RTTN: variants seen among roughly 807,000 people sequenced by gnomAD.
The protein encoded by RTTN is rotatin.
In RTTN, 182 loss-of-function variants were observed where a neutral mutation model predicts 269.2. The observed-to-expected ratio is 0.68, with a 90% CI of 0.60 to 0.76. RTTN has a LOEUF of 0.76. Among genes scored for constraint, RTTN ranks in the 30% least tolerant of loss-of-function variants. The probability of loss-of-function intolerance (pLI) is 0.00; values close to 1 mark genes in which losing one functional copy is unlikely to be tolerated. For synonymous variants in RTTN, 1,006 were observed against 963.5 expected (o/e 1.04, Z -0.82); for missense variants, 2,545 against 2,608.6 (o/e 0.98, Z 0.53).
chr18:70,146,477 TC>T (rs2060396508), intron 17 of RTTN, among the ~76,000 whole-genome samples: 1 of 152,114 alleles, frequency 6.6e-6, no homozygotes, highest in South Asian at 2.1e-4. Context: ...TCTGATAGGT[TC>T]TTGAACTACC....
chr18:70,157,565 T>G (rs1288193183), intron 14 of RTTN, among the ~76,000 whole-genome samples: 1 of 152,196 alleles, frequency 6.6e-6, no homozygotes, highest in Non-Finnish European at 1.5e-5. Context: ...CCAGAATGTC[T>G]TCTTATTTTC....
intron 11 of RTTN, among the ~76,000 whole-genome samples, chr18:70,174,537 T>C (rs1241886518): frequency 6.6e-6 from 1 of 152,014 alleles, no homozygotes; most frequent in Non-Finnish European, 1.5e-5. Flanking sequence ...AAGTAGCAAT[T>C]CAGCATAGTG....
At chr18:70,038,193 T>C (rs1187629370) in intron 40 of RTTN, among the ~76,000 whole-genome samples, 1 of 152,154 alleles carries the variant, frequency 6.6e-6, no homozygotes, top group Non-Finnish European at 1.5e-5. Flanking sequence ...AACTTACTGC[T>C]CTGAAGGGAA....
Position 70,086,679 on chromosome 18 carries a change from T to G in RTTN, c.4308A>C (p.Ala1436=). 3.3e-6 allele frequency: 4 copies of G among 1,228,796 alleles called. No individual in the cohort carries two copies. The highest frequency in any genetic ancestry group is 4.3e-6 in the Non-Finnish European group (4 of 927,916). The allele number at this position is 1,228,796 out of a possible 1,614,324, so 76.1% of individuals were successfully genotyped here. ...SECSMVRREA[A]FILQNLLVIP... Reference sequence around the variant, plus strand: ...TTACAAGGAGATTCTGAAGAATAAATGCCGCCTGAAAATGTAAAAAAAAAA... The same window carrying G: ...TTACAAGGAGATTCTGAAGAATAAAGGCCGCCTGAAAATGTAAAAAAAAAA... Residue 1436 remains alanine, a synonymous_variant, in exon 32 of 49, where the codon GCA becomes GCC. Transcript: ENST00000640769.
At chr18:70,099,697 G>A (rs2059105024) in intron 28 of RTTN, among the ~76,000 whole-genome samples, 2 of 151,962 alleles carry the variant, frequency 1.3e-5, no homozygotes, top group Non-Finnish European at 1.5e-5. Context: ...TTTCTTCTTG[G>A]GTTTTTATGG....
intron 11 of RTTN, among the ~76,000 whole-genome samples, chr18:70,171,620 A>G (rs896623524): frequency 6.6e-6 from 1 of 152,198 alleles, no homozygotes; most frequent in Non-Finnish European, 1.5e-5. Flanking sequence ...CTGCATATAT[A>G]AGCATTAGTC....
At chr18:70,117,296 C>A (rs1271998231) in intron 26 of RTTN, among the ~76,000 whole-genome samples, 1 of 152,090 alleles carries the variant, frequency 6.6e-6, no homozygotes, top group Non-Finnish European at 1.5e-5. Context: ...TAAATCATTT[C>A]TCACTTATTT....
chr18:70,196,032 G>C (rs2061797182), intron 7 of RTTN, among the ~76,000 whole-genome samples: 1 of 152,172 alleles, frequency 6.6e-6, no homozygotes, highest in Non-Finnish European at 1.5e-5. Context: ...TTGGCCATTA[G>C]GTGGCACTTT....
chr18:70,042,737 T>C (rs1225522513), intron 40 of RTTN, among the ~76,000 whole-genome samples: 2 of 152,212 alleles, frequency 1.3e-5, no homozygotes, highest in African/African-American at 4.8e-5. Context: ...GGCTTCTAAA[T>C]TCTGAAGTAA....
intron 35 of RTTN, among the ~76,000 whole-genome samples, chr18:70,064,758 G>A (rs931759151): frequency 2.0e-5 from 3 of 152,122 alleles, no homozygotes; most frequent in South Asian, 2.1e-4. Flanking sequence ...AAAATTGATC[G>A]TGGTGACGGT....
intron 43 of RTTN, among the ~76,000 whole-genome samples, chr18:70,028,371 A>G (rs2056912876): frequency 6.6e-6 from 1 of 152,174 alleles, no homozygotes. Flanking sequence ...TTCTTTCCTT[A>G]TAGATACAGA....
In RTTN at chr18:70,073,976, T is replaced by C. The variant is rs773994957; in HGVS notation, c.4583A>G (p.Lys1528Arg). The C allele has an allele frequency of 1.2e-6, 2 of 1,611,214 alleles. No homozygotes were observed. The highest frequency in any genetic ancestry group is 1.7e-5 in the Admixed American group (1 of 59,832). ...TGTCCTAGATGGAGCCCTCCAAAAC[T>C]TGAATGAGTCATCTAAACCTGCAAC... is the stretch of plus-strand genomic sequence containing the variant. ...NDLNGLDDSF[K>R]FWRAPSRTSQ... Residue 1528 changes from lysine to arginine, a missense_variant, in exon 34 of 49, where the codon AAG becomes AGG. Lys to Arg is a conservative substitution (Grantham distance 26). Transcript: ENST00000640769.
At position 70,030,891 on chromosome 18, in the gene RTTN, T is replaced by C. The variant is rs779061172; in HGVS notation, c.5632A>G (p.Lys1878Glu). Residue 1878 changes from lysine to glutamate, a missense_variant, in exon 41 of 49, where the codon AAA becomes GAA. By Grantham distance (56) the Lys-to-Glu change is moderately conservative (BLOSUM62 1). Coordinates refer to ENST00000640769, the MANE Select transcript of RTTN (RefSeq NM_173630.4). ...TGTGGCTCACCTTTCAAAGCATGTT[T>C]CTGTGCTCTTCTACTGACAGCCAGC... ...SLLAVSRRAQKHALKANLIDN... is the reference protein window; with the variant it reads ...SLLAVSRRAQEHALKANLIDN... 2 of 1,612,868 alleles carry C rather than the reference T, an allele frequency of 1.2e-6. No individual in the cohort carries two copies. Among genetic ancestry groups the C allele is most frequent in the Non-Finnish European group, 1.7e-6 (2 of 1,179,406 alleles).
rs374129853 is a variant in RTTN, at chr18:70,051,418, C to T, written c.5316G>A (p.Ala1772=). Residue 1772 remains alanine (A), a synonymous_variant, in exon 39 of 49, where the codon GCG becomes GCA. Transcript: ENST00000640769. ...VTVALAKHWT[A]AIDMFCTCAG... ...ATGCAAGTATCTTCTTACCAATCGC[C>T]GCTGTCCAGTGCTTGGCCAGGGCCA... The T allele has an allele frequency of 7.5e-5, 121 of 1,609,558 alleles. No individual in the cohort carries two copies. In the South Asian group the frequency reaches 1.2e-3, roughly 16 times the overall value.
At chr18:70,151,151 T>G (rs1003787796) in intron 14 of RTTN, among the ~76,000 whole-genome samples, 5 of 148,108 alleles carry the variant, frequency 3.4e-5, no homozygotes, top group Non-Finnish European at 7.4e-5. Flanking sequence ...ATACTATATA[T>G]ATTTATATTC....
Position 70,004,252 on chromosome 18 carries a change from A to T in RTTN, c.6596-16T>A. 6.3e-7 allele frequency: 1 copy of T among 1,577,818 alleles called. No homozygotes were observed. Reference sequence around the variant, plus strand: ...TTTGGGAAAGCTGAGATAGAAAAATAAGAGTACAGAAATACTAGTTTATGA... The same window carrying T: ...TTTGGGAAAGCTGAGATAGAAAAATTAGAGTACAGAAATACTAGTTTATGA... On this transcript the variant is annotated splice_polypyrimidine_tract_variant and intron_variant, in intron 48 of 48. Transcript: ENST00000640769.
chr18:70,121,460 A>G (rs1197428712), intron 26 of RTTN, 96 bp downstream of exon 26: 1 of 1,048,102 alleles, frequency 9.5e-7, no homozygotes, highest in Non-Finnish European at 1.4e-6. Context: ...AAGCATAGAC[A>G]ATATAAAATT....
chr18:70,171,012 G>C (rs994333698), intron 11 of RTTN, among the ~76,000 whole-genome samples: 1 of 151,600 alleles, frequency 6.6e-6, no homozygotes, highest in African/African-American at 2.4e-5. Flanking sequence ...ATTTGGAAGG[G>C]GAAACAAAGA....
intron 19 of RTTN, among the ~76,000 whole-genome samples, chr18:70,141,302 C>T (rs1336334991): frequency 1.3e-5 from 2 of 152,100 alleles, no homozygotes; most frequent in African/African-American, 2.4e-5. Context: ...AAAGTACATA[C>T]ATCACGTATG....
Sources: gnomAD v4.1 joint callset for allele counts (sites outside exome capture counted in the v4.1 genomes callset) on GRCh38, gnomAD v4.1.1 for gene constraint, MANE v1.5 for transcripts, NCBI Gene and HGNC (gene_info 2026-07-23, HGNC 2026-07-21) for gene names.